Variants in TMEM132B observed in about 807,000 individuals in gnomAD.
TMEM132B encodes the protein transmembrane protein 132B.
A neutral mutation model predicts 90.8 loss-of-function variants in TMEM132B; 18 were observed. The ratio of observed to expected loss-of-function variants is 0.20; its 90% CI spans 0.14 to 0.29. TMEM132B has a LOEUF of 0.29. Ranked by LOEUF, TMEM132B falls within the 10% of genes least tolerant of loss-of-function variation. The pLI is 1.00. For synonymous variants in TMEM132B, 504 were observed against 523.3 expected, an observed-to-expected ratio of 0.96 and a Z score of 0.50; for missense variants, 1,096 against 1,326.8, an observed-to-expected ratio of 0.83 and a Z score of 2.70.
intron 4 of TMEM132B, among the ~76,000 whole-genome samples, chr12:125,559,654 G>A (rs114620953): frequency 0.013 from 1,995 of 152,214 alleles, 55 homozygotes; most frequent in African/African-American, 0.045. Flanking sequence ...TGAAAGTGGT[G>A]TGAGCGGCAT....
intron 5 of TMEM132B, among the ~76,000 whole-genome samples, chr12:125,591,161 A>G (rs1212257378): frequency 5.9e-5 from 9 of 152,118 alleles, no homozygotes. Flanking sequence ...TTGAATTTGC[A>G]AAAGATGTAT....
chr12:125,287,180 C>G (rs997254019), intron 1 of TMEM132B, among the ~76,000 whole-genome samples: 1 of 152,058 alleles, frequency 6.6e-6, no homozygotes. Context: ...TCCTCCCTCC[C>G]TCCTCTGCTT....
Position 125,497,877 on chromosome 12 carries a change from C to T in TMEM132B, c.1107-21562C>T, listed in dbSNP as rs80283949. ...GCAGCCGGTGGCTAGCAGGAACATG[C>T]CTGAGGCAGGCATGACTGACAGGTG... On this transcript the variant is annotated intron_variant, in intron 3 of 8. Transcript: ENST00000682704. Among the ~76,000 whole-genome samples the T allele has an allele frequency of 2.8e-3, 430 of 152,266 alleles. 3 individuals are homozygous for T. Among genetic ancestry groups the T allele is most frequent in the African/African-American group, 0.01 (419 of 41,554 alleles).
At chr12:125,443,360 T>C (rs1465906610) in intron 3 of TMEM132B, among the ~76,000 whole-genome samples, 1 of 152,214 alleles carries the variant, frequency 6.6e-6, no homozygotes, top group African/African-American at 2.4e-5. Context: ...TTCTTTGGTG[T>C]AAACTTTGGT....
intron 2 of TMEM132B, among the ~76,000 whole-genome samples, chr12:125,383,384 A>G (rs1948683757): frequency 6.6e-6 from 1 of 152,134 alleles, no homozygotes; most frequent in African/African-American, 2.4e-5. Flanking sequence ...CTTAAAAGAA[A>G]ATTTTCTATC....
intron 1 of TMEM132B, among the ~76,000 whole-genome samples, chr12:125,340,664 A>G (rs1452573638): frequency 6.6e-6 from 1 of 152,210 alleles, no homozygotes; most frequent in Non-Finnish European, 1.5e-5. Context: ...GATTCTTTCT[A>G]AAAGCCTTGC....
Position 125,653,930 on chromosome 12 carries a change from G to A in TMEM132B, c.2472G>A (p.Glu824=), listed in dbSNP as rs1886993682. Residue 824 remains glutamate, a synonymous_variant, in exon 9 of 9, where the codon GAG becomes GAA. Coordinates refer to ENST00000682704, the MANE Select transcript of TMEM132B (RefSeq NM_001366854.1). ...AAGACCACCTCAGTAATTCCATAGAGCGCGAAGGAAACCAGGAGAGAGCAG... is the reference window on the plus strand; with the variant it reads ...AAGACCACCTCAGTAATTCCATAGAACGCGAAGGAAACCAGGAGAGAGCAG... ...EYKDHLSNSI[E]REGNQERAVQ... The A allele has an allele frequency of 6.2e-7, 1 of 1,614,160 alleles. No homozygotes were observed. The highest frequency in any genetic ancestry group is 8.5e-7 in the Non-Finnish European group (1 of 1,180,028).
intron 1 of TMEM132B, among the ~76,000 whole-genome samples, chr12:125,212,690 G>A (rs113003687): frequency 0.019 from 2,858 of 151,956 alleles, 100 homozygotes; most frequent in African/African-American, 0.066. Context: ...GCGAAACTCC[G>A]TCTAAAAAAA....
chr12:125,294,623 A>T (rs186598269), intron 1 of TMEM132B, among the ~76,000 whole-genome samples: 85 of 152,334 alleles, frequency 5.6e-4, no homozygotes, highest in African/African-American at 1.9e-3. Context: ...TTCCCAACAA[A>T]CTTTGAGGTT....
intron 2 of TMEM132B, among the ~76,000 whole-genome samples, chr12:125,368,785 C>T (rs1282909552): frequency 6.6e-6 from 1 of 152,024 alleles, no homozygotes; most frequent in African/African-American, 2.4e-5. Flanking sequence ...AACATCTCTT[C>T]CCTGTGTCTT....
intron 3 of TMEM132B, among the ~76,000 whole-genome samples, chr12:125,416,163 A>C (rs1187029625): frequency 6.6e-6 from 1 of 152,210 alleles, no homozygotes; most frequent in African/African-American, 2.4e-5. Context: ...TGGGCTTTAC[A>C]AGGCTGAACT....
At chr12:125,650,649 A>T (rs3803152) in intron 6 of TMEM132B, 34 bp from the exon 7 acceptor site, 2 of 1,591,208 alleles carry the variant, frequency 1.3e-6, no homozygotes, top group Non-Finnish European at 1.7e-6. Context: ...TTAACAATGA[A>T]GACTTTGTTC....
intron 2 of TMEM132B, among the ~76,000 whole-genome samples, chr12:125,361,367 C>T (rs1877952217): frequency 6.6e-6 from 1 of 152,176 alleles, no homozygotes; most frequent in South Asian, 2.1e-4. Flanking sequence ...GATCGGCCCA[C>T]TTCAAAGCTC....
At chr12:125,235,638 C>T (rs1873917400) in intron 1 of TMEM132B, among the ~76,000 whole-genome samples, 1 of 152,100 alleles carries the variant, frequency 6.6e-6, no homozygotes, top group Non-Finnish European at 1.5e-5. Flanking sequence ...TGCCCCAGCC[C>T]CAGCAATCAC....
chr12:125,560,427 C>G (rs372837669), intron 4 of TMEM132B, among the ~76,000 whole-genome samples: 11 of 152,312 alleles, frequency 7.2e-5, no homozygotes, highest in South Asian at 4.1e-4. Flanking sequence ...ATGCGGCCAA[C>G]AAACATATGA....
chr12:125,359,818 G>T (rs941636610), intron 2 of TMEM132B, among the ~76,000 whole-genome samples: 4 of 152,176 alleles, frequency 2.6e-5, no homozygotes, highest in African/African-American at 9.7e-5. Context: ...AGTGGTTCAC[G>T]CCTGTAATCC....
At chr12:125,449,010 AG>A (rs1881080019) in intron 3 of TMEM132B, among the ~76,000 whole-genome samples, 1 of 128,902 alleles carries the variant, frequency 7.8e-6, no homozygotes, top group Non-Finnish European at 1.6e-5. Flanking sequence ...TTTGTGCCCC[AG>A]GCTGGAGTGC....
intron 1 of TMEM132B, among the ~76,000 whole-genome samples, chr12:125,231,990 T>A (rs1157938125): frequency 5.3e-5 from 8 of 152,178 alleles, no homozygotes; most frequent in Admixed American, 1.3e-4. Context: ...GTGTGTTTTT[T>A]AAAAATCTAT....
At chr12:125,540,008 G>A (rs1446451474) in intron 4 of TMEM132B, among the ~76,000 whole-genome samples, 1 of 152,000 alleles carries the variant, frequency 6.6e-6, no homozygotes, top group Non-Finnish European at 1.5e-5. Context: ...CTCATAAGTT[G>A]TATTTTCATT....
Sources: gnomAD v4.1 joint callset for allele counts (sites outside exome capture counted in the v4.1 genomes callset) on GRCh38, gnomAD v4.1.1 for gene constraint, MANE v1.5 for transcripts, NCBI Gene and HGNC (gene_info 2026-07-23, HGNC 2026-07-21) for gene names.